EXOC2: variants seen among roughly 807,000 people sequenced by gnomAD.
The protein encoded by EXOC2 is SEC5-like 1.
In EXOC2, 70 loss-of-function variants were observed where a neutral mutation model predicts 131.8. The observed-to-expected ratio is 0.53, with a 90% CI of 0.44 to 0.65. EXOC2 has a LOEUF of 0.65. Ranked by LOEUF, EXOC2 falls within the 30% of genes least tolerant of loss-of-function variation. The pLI is 0.00. For synonymous variants in EXOC2, 411 were observed against 398.4 expected (o/e 1.03, Z -0.38); for missense variants, 923 against 1,108.6 (o/e 0.83, Z 2.38).
At chr6:497,259 T>C (rs1581300071) in intron 25 of EXOC2, 108 bp downstream of exon 25, 2 of 949,202 alleles carry the variant, frequency 2.1e-6, no homozygotes, top group South Asian at 3.2e-5. Flanking sequence ...CTTCAATCAG[T>C]AGATCCATTA....
intron 25 of EXOC2, among the ~76,000 whole-genome samples, chr6:496,237 AG>A (rs1456407752): frequency 2.0e-5 from 3 of 152,142 alleles, no homozygotes; most frequent in African/African-American, 7.2e-5. Context: ...GTGTTTTCCC[AG>A]TTATTTGTGC....
intron 1 of EXOC2, among the ~76,000 whole-genome samples, chr6:650,195 T>C (rs1176737742): frequency 1.3e-5 from 2 of 152,240 alleles, no homozygotes; most frequent in Non-Finnish European, 2.9e-5. Context: ...GCTGTAAGTC[T>C]ATTGAAACAT....
chr6:545,747 T>C (rs1391854139), intron 22 of EXOC2, among the ~76,000 whole-genome samples: 1 of 152,218 alleles, frequency 6.6e-6, no homozygotes, highest in East Asian at 1.9e-4. Flanking sequence ...AGGAAGTAAT[T>C]AGACATGTGA....
chr6:591,158 T>G (rs59921247), intron 11 of EXOC2, among the ~76,000 whole-genome samples: 2,189 of 152,282 alleles, frequency 0.014, 56 homozygotes, highest in African/African-American at 0.049. Flanking sequence ...GGTGCCTGTC[T>G]CCTCACCAGC....
chr6:501,984 A>AC (rs1209893387), intron 23 of EXOC2, among the ~76,000 whole-genome samples: 23 of 152,010 alleles, frequency 1.5e-4, no homozygotes, highest in African/African-American at 5.5e-4. Flanking sequence ...GGAAAGCCAC[A>AC]CCCCCCGGTG....
chr6:617,312 G>A (rs1761063864), intron 6 of EXOC2, among the ~76,000 whole-genome samples: 1 of 152,238 alleles, frequency 6.6e-6, no homozygotes, highest in Non-Finnish European at 1.5e-5. Flanking sequence ...GGGCGCCTGT[G>A]CGATAAGGGC....
At chr6:566,323 C>T (rs1757961904) in intron 13 of EXOC2, among the ~76,000 whole-genome samples, 1 of 152,130 alleles carries the variant, frequency 6.6e-6, no homozygotes, top group African/African-American at 2.4e-5. Context: ...GAATGAGGGG[C>T]CAGTGTGCGA....
intron 11 of EXOC2, among the ~76,000 whole-genome samples, chr6:577,432 C>G (rs553316008): frequency 6.6e-6 from 1 of 152,184 alleles, no homozygotes; most frequent in South Asian, 2.1e-4. Context: ...GTCTCACACT[C>G]AAATACTGCT....
At chr6:572,271 T>C (rs145388245) in intron 13 of EXOC2, among the ~76,000 whole-genome samples, 289 of 152,358 alleles carry the variant, frequency 1.9e-3, no homozygotes, top group Middle Eastern at 0.01. Flanking sequence ...CTATCTCATT[T>C]AATCCCTACA....
intron 10 of EXOC2, among the ~76,000 whole-genome samples, chr6:595,741 C>T (rs535281462): frequency 2.0e-5 from 3 of 152,158 alleles, no homozygotes; most frequent in South Asian, 2.1e-4. Context: ...ACAAAGCACA[C>T]GCAGTGAAGG....
intron 7 of EXOC2, among the ~76,000 whole-genome samples, chr6:599,494 A>G (rs1172426106): frequency 6.6e-6 from 1 of 152,210 alleles, no homozygotes; most frequent in East Asian, 1.9e-4. Flanking sequence ...ACCTACATTT[A>G]TTTTCATTAC....
rs191388030 is a variant in EXOC2 at position 562,423 on chromosome 6, T to C, written c.1851+361A>G. ...TCTGTGGTGGTTGTTTTTGTTTGTT[T>C]GGTTTGTTTTGGCTTTGGAGCCAGC... is the stretch of plus-strand genomic sequence containing the variant. On this transcript the variant is annotated intron_variant, in intron 17 of 27. Transcript: ENST00000230449. Among the ~76,000 whole-genome samples, 457 of 152,358 alleles carry C rather than the reference T, an allele frequency of 3.0e-3. 3 individuals are homozygous for C. Among genetic ancestry groups the C allele is most frequent in the African/African-American group, 0.011 (441 of 41,586 alleles).
At chr6:660,986 A>T (rs1447954331) in intron 1 of EXOC2, among the ~76,000 whole-genome samples, 2 of 152,236 alleles carry the variant, frequency 1.3e-5, no homozygotes, top group Non-Finnish European at 2.9e-5. Context: ...AACTTTGGAC[A>T]CACTTTTAGA....
chr6:546,286 C>T (rs888791733), intron 22 of EXOC2, among the ~76,000 whole-genome samples: 7 of 152,056 alleles, frequency 4.6e-5, no homozygotes, highest in Admixed American at 1.3e-4. Context: ...CATGGCAGGA[C>T]GCTCCCTGTT....
chr6:503,975 A>T (rs1561791374), intron 23 of EXOC2, among the ~76,000 whole-genome samples: 1 of 152,164 alleles, frequency 6.6e-6, no homozygotes. Flanking sequence ...GTTATCCAAA[A>T]TCTGTCTGTG....
At chr6:656,859 A>G in intron 1 of EXOC2, 2 of 1,609,518 alleles carry the variant, frequency 1.2e-6, no homozygotes, top group East Asian at 4.5e-5. Flanking sequence ...GAGCACGCAG[A>G]CCTTCGCTAG....
intron 1 of EXOC2, among the ~76,000 whole-genome samples, chr6:670,796 TGAGA>T (rs1763828718): frequency 6.6e-6 from 1 of 152,212 alleles, no homozygotes; most frequent in Non-Finnish European, 1.5e-5. Context: ...TCTATAGAGC[TGAGA>T]GAAAGACATA....
At chr6:517,277 G>A (rs1295080378) in intron 23 of EXOC2, among the ~76,000 whole-genome samples, 1 of 152,006 alleles carries the variant, frequency 6.6e-6, no homozygotes, top group African/African-American at 2.4e-5. Context: ...ACCCTATGGC[G>A]AGGCTGTACT....
At position 564,872 on chromosome 6, in the gene EXOC2, C is replaced by T; in HGVS notation, c.1501G>A (p.Asp501Asn). 1 of 1,612,844 alleles carries T rather than the reference C, an allele frequency of 6.2e-7. No individual in the cohort carries two copies. Among genetic ancestry groups the T allele is most frequent in the Non-Finnish European group, 8.5e-7 (1 of 1,179,624 alleles). Residue 501 changes from aspartate (D) to asparagine (N), a missense_variant, in exon 14 of 28, where the codon GAT becomes AAT. Asp to Asn is a conservative substitution (Grantham distance 23, BLOSUM62 1). Coordinates refer to ENST00000230449, the MANE Select transcript of EXOC2 (RefSeq NM_018303.6). ...TTATCACCCTTACTCACCTTAAAAT[C>T]ATTTTGTCTTTGCCTTACATTCTTT... ...RSKNVRQRQNDFKKMIQEVMH... is the reference protein window; with the variant it reads ...RSKNVRQRQNNFKKMIQEVMH...
Sources: allele counts gnomAD v4.1 joint callset (sites outside exome capture counted in the v4.1 genomes callset), GRCh38; gene constraint gnomAD v4.1.1; transcripts MANE v1.5; gene names NCBI Gene and HGNC (gene_info 2026-07-23, HGNC 2026-07-21).